The following MYCBP2 variants were observed in gnomAD, a reference collection of about 807,000 sequenced individuals.
MYCBP2 encodes MYC binding protein 2.
MYCBP2 carries 120 observed loss-of-function variants against 525.3 expected under a neutral mutation model. The ratio of observed to expected loss-of-function variants is 0.23; its 90% CI spans 0.20 to 0.27. The LOEUF (loss-of-function observed/expected upper bound fraction) is 0.27. MYCBP2 is among the 10% of genes least tolerant of loss of function. MYCBP2 has a pLI of 1.00. For missense variants in MYCBP2, 4,149 were observed against 5,657.1 expected, an observed-to-expected ratio of 0.73 and a Z score of 8.55; for synonymous variants, 1,894 against 1,955.8, an observed-to-expected ratio of 0.97 and a Z score of 0.83.
chr13:77,309,250 T>C (rs1213347999), intron 1 of MYCBP2, among the ~76,000 whole-genome samples: 4 of 152,192 alleles, frequency 2.6e-5, no homozygotes, highest in African/African-American at 9.7e-5. Context: ...TATAATTTCT[T>C]ATTGCCAACC....
intron 7 of MYCBP2, among the ~76,000 whole-genome samples, chr13:77,268,511 G>C (rs188112341): frequency 1.3e-5 from 2 of 152,294 alleles, no homozygotes; most frequent in East Asian, 3.9e-4. Context: ...TGGGGGCGGT[G>C]GCTCACGCCT....
chr13:77,234,360 T>G (rs1006458801), intron 17 of MYCBP2, among the ~76,000 whole-genome samples: 1 of 151,998 alleles, frequency 6.6e-6, no homozygotes, highest in African/African-American at 2.4e-5. Context: ...GATTCTCTAT[T>G]GATCTTCAGT....
At chr13:77,263,584 T>C in intron 10 of MYCBP2, 67 bp downstream of exon 10, 2 of 1,389,830 alleles carry the variant, frequency 1.4e-6, no homozygotes, top group Non-Finnish European at 2.0e-6. Flanking sequence ...AAACACAATG[T>C]TCATTTTTAA....
In MYCBP2 at chr13:77,295,527, T is replaced by C. The variant is rs1346149059; in HGVS notation, c.378+1072A>G. Among the ~76,000 whole-genome samples the C allele has an allele frequency of 2.0e-5, 3 of 152,376 alleles. No individual in the cohort carries two copies. The East Asian group carries it at 5.8e-4, about 29-fold the overall frequency. Reference sequence around the variant, plus strand: ...ACCTTTCATTTTATTTTAGGTTTGCTACTTTGAAGTAGATTTCTCTCAGTT... The same window carrying C: ...ACCTTTCATTTTATTTTAGGTTTGCCACTTTGAAGTAGATTTCTCTCAGTT... On this transcript the variant is annotated intron_variant, in intron 2 of 82. Transcript: ENST00000544440.
intron 80 of MYCBP2, among the ~76,000 whole-genome samples, chr13:77,054,488 C>T (rs573797946): frequency 3.9e-4 from 59 of 151,760 alleles, no homozygotes; most frequent in African/African-American, 1.4e-3. Flanking sequence ...ACTGTAATTA[C>T]CAAGGAAAAT....
intron 1 of MYCBP2, among the ~76,000 whole-genome samples, chr13:77,317,299 T>G (rs1259377104): frequency 6.6e-6 from 1 of 152,204 alleles, no homozygotes; most frequent in African/African-American, 2.4e-5. Flanking sequence ...TAGTGGCAGC[T>G]GTACTTTAAA....
intron 1 of MYCBP2, among the ~76,000 whole-genome samples, chr13:77,297,167 A>G (rs2078282084): frequency 6.6e-6 from 1 of 152,238 alleles, no homozygotes; most frequent in African/African-American, 2.4e-5. Flanking sequence ...CATAGTCCTA[A>G]GACCAAATTA....
intron 5 of MYCBP2, among the ~76,000 whole-genome samples, chr13:77,272,808 T>A (rs1284096143): frequency 6.6e-6 from 1 of 152,190 alleles, no homozygotes; most frequent in Non-Finnish European, 1.5e-5. Context: ...GATTGAGGCA[T>A]CCCTTCCACC....
chr13:77,271,149 C>T (rs1394347651), intron 5 of MYCBP2, among the ~76,000 whole-genome samples: 1 of 152,118 alleles, frequency 6.6e-6, no homozygotes, highest in African/African-American at 2.4e-5. Flanking sequence ...TACACATACA[C>T]ATTCTATATC....
At chr13:77,054,097 G>A (rs925270481) in intron 80 of MYCBP2, among the ~76,000 whole-genome samples, 3 of 152,138 alleles carry the variant, frequency 2.0e-5, no homozygotes, top group Admixed American at 6.5e-5. Context: ...GCTGAAGCCC[G>A]AGGTATGACA....
chr13:77,228,723 G>A (rs2066698074), intron 18 of MYCBP2, among the ~76,000 whole-genome samples: 1 of 150,734 alleles, frequency 6.6e-6, no homozygotes, highest in African/African-American at 2.5e-5. Flanking sequence ...GTGTGTGTGT[G>A]TGTGTATACC....
At chr13:77,201,326 T>G (rs1246051297) in intron 26 of MYCBP2, among the ~76,000 whole-genome samples, 1 of 149,420 alleles carries the variant, frequency 6.7e-6, no homozygotes, top group Non-Finnish European at 1.5e-5. Flanking sequence ...AGGGATCAAT[T>G]CAACAAGAAG....
At chr13:77,193,395 T>A (rs2061471008) in intron 27 of MYCBP2, among the ~76,000 whole-genome samples, 1 of 152,186 alleles carries the variant, frequency 6.6e-6, no homozygotes, top group South Asian at 2.1e-4. Context: ...CTTACGATCA[T>A]CCTTGTTTCT....
intron 44 of MYCBP2, among the ~76,000 whole-genome samples, chr13:77,161,555 C>G (rs1385224559): frequency 1.3e-5 from 2 of 152,200 alleles, no homozygotes; most frequent in Non-Finnish European, 2.9e-5. Context: ...TGTGAAATGT[C>G]TTTCCCCTTT....
intron 32 of MYCBP2, among the ~76,000 whole-genome samples, chr13:77,183,716 TA>T (rs1287545041): frequency 6.6e-6 from 1 of 151,870 alleles, no homozygotes; most frequent in Admixed American, 6.6e-5. Context: ...CATGCCTGGC[TA>T]ATTTTTGTAT....
At chr13:77,093,692 T>C (rs1212790946) in intron 58 of MYCBP2, among the ~76,000 whole-genome samples, 1 of 152,122 alleles carries the variant, frequency 6.6e-6, no homozygotes, top group African/African-American at 2.4e-5. Context: ...AAGCCCATGA[T>C]ATTAGGTTTC....
intron 55 of MYCBP2, among the ~76,000 whole-genome samples, chr13:77,105,995 C>T (rs781044461): frequency 6.6e-6 from 1 of 152,076 alleles, no homozygotes; most frequent in Non-Finnish European, 1.5e-5. Context: ...TCTCTAAGTA[C>T]TGATGATAAT....
At chr13:77,248,138 TA>T (rs1340741117) in intron 15 of MYCBP2, among the ~76,000 whole-genome samples, 1 of 18,186 alleles carries the variant, frequency 5.5e-5, no homozygotes, top group Non-Finnish European at 1.3e-4. Flanking sequence ...ACTTAAAGTA[TA>T]ATCAAAAAAA....
Position 77,089,010 on chromosome 13 carries a change from C to T in MYCBP2, c.10547G>A (p.Arg3516Lys), listed in dbSNP as rs2044862016. ...GDTEVGSSLL[R>K]HPSPELSRLI... ...CCGAGAAAGCTCAGGAGACGGATGT[C>T]TCAAAAGGGAAGAACCAACTTCTAT... Residue 3516 changes from arginine (R) to lysine (K), a missense_variant, in exon 61 of 83, where the codon AGA (arginine) becomes AAA (lysine). By Grantham distance (26) the Arg-to-Lys change is conservative. Coordinates refer to ENST00000544440, the MANE Select transcript of MYCBP2 (RefSeq NM_015057.5). The T allele has an allele frequency of 1.9e-6, 3 of 1,611,802 alleles. No individual in the cohort carries two copies. The Admixed American group carries it at 5.0e-5, about 27-fold the overall frequency.
Sources: allele counts gnomAD v4.1 joint callset (sites outside exome capture counted in the v4.1 genomes callset), GRCh38; gene constraint gnomAD v4.1.1; transcripts MANE v1.5; gene names NCBI Gene and HGNC (gene_info 2026-07-23, HGNC 2026-07-21).